Variants in HECW2 observed in about 807,000 individuals in gnomAD.
The protein encoded by HECW2 is E3 ubiquitin-protein ligase HECW2.
A neutral mutation model predicts 175.2 loss-of-function variants in HECW2; 61 were observed. That is an observed-to-expected ratio of 0.35 (90% CI 0.28 to 0.43). The LOEUF (loss-of-function observed/expected upper bound fraction) is 0.43, where lower values mean the gene tolerates loss of function less well. Among genes scored for constraint, HECW2 ranks in the 20% least tolerant of loss-of-function variants. HECW2 has a pLI of 1.00. For synonymous variants in HECW2, 671 were observed against 731.0 expected, an observed-to-expected ratio of 0.92 and a Z score of 1.32; for missense variants, 1,524 against 2,000.5, an observed-to-expected ratio of 0.76 and a Z score of 4.54.
intron 12 of HECW2, 72 bp downstream of exon 12, chr2:196,307,058 C>G: frequency 1.9e-6 from 2 of 1,065,794 alleles, no homozygotes; most frequent in Middle Eastern, 2.0e-4. Context: ...AAAAGCCTTA[C>G]TTGTTGGGAA....
At position 196,412,294 on chromosome 2, in the gene HECW2, G is replaced by T. The variant is rs73988198; in HGVS notation, c.292+20838C>A. On this transcript the variant is annotated intron_variant, in intron 2 of 28. Transcript: ENST00000644978. ...CTCTTTCCTTGGTGTGCAGGTGACC[G>T]TCTTCATGTCACATGCTGCTTCCCC... 4.0e-3 allele frequency among the ~76,000 whole-genome samples: 602 copies of T among 152,260 alleles called. 6 individuals carry two copies. Among genetic ancestry groups the T allele is most frequent in the African/African-American group, 0.014 (565 of 41,544 alleles).
At chr2:196,441,570 C>G (rs1696045304) in intron 1 of HECW2, among the ~76,000 whole-genome samples, 2 of 152,162 alleles carry the variant, frequency 1.3e-5, no homozygotes, top group Admixed American at 1.3e-4. Context: ...CCATCCCCAG[C>G]AAGGCCAATT....
intron 28 of HECW2, among the ~76,000 whole-genome samples, chr2:196,202,034 ACTT>A (rs566522326): frequency 3.3e-5 from 5 of 152,168 alleles, no homozygotes; most frequent in Non-Finnish European, 5.9e-5. Context: ...TTTTAGAAAT[ACTT>A]CTTTTGCCAA....
intron 2 of HECW2, among the ~76,000 whole-genome samples, chr2:196,400,959 G>T (rs1274990949): frequency 6.6e-6 from 1 of 152,108 alleles, no homozygotes; most frequent in Non-Finnish European, 1.5e-5. Context: ...TCATTCAGCA[G>T]ACTTGTAATT....
intron 17 of HECW2, among the ~76,000 whole-genome samples, chr2:196,262,590 G>C (rs1012931592): frequency 6.6e-6 from 1 of 151,024 alleles, no homozygotes; most frequent in African/African-American, 2.4e-5. Context: ...TTTTGAGATG[G>C]AGTCTCACTG....
intron 1 of HECW2, among the ~76,000 whole-genome samples, chr2:196,460,583 G>C (rs1696704093): frequency 6.6e-6 from 1 of 151,568 alleles, no homozygotes; most frequent in African/African-American, 2.4e-5. Flanking sequence ...TCCCAGGGCA[G>C]GGAAAAATCT....
At chr2:196,435,064 T>G (rs1695831806) in intron 1 of HECW2, among the ~76,000 whole-genome samples, 1 of 152,254 alleles carries the variant, frequency 6.6e-6, no homozygotes, top group Non-Finnish European at 1.5e-5. Context: ...AAATAGTTTC[T>G]GCCATAAAGT....
At position 196,473,547 on chromosome 2, in the gene HECW2, T is replaced by A. The variant is rs557299694; in HGVS notation, c.-35-40089A>T. ...CCCTGAAAGTTAAAAATAGAGATTA[T>A]ACAGGAGGACTGGATTTTTTTTAGA... On this transcript the variant is annotated intron_variant, in intron 1 of 28. Transcript: ENST00000644978. Among the ~76,000 whole-genome samples the A allele has an allele frequency of 2.0e-5, 3 of 152,326 alleles. No individual in the cohort carries two copies. In the South Asian group the frequency reaches 6.2e-4, roughly 32 times the overall value.
intron 20 of HECW2, among the ~76,000 whole-genome samples, chr2:196,241,511 G>A (rs1050541236): frequency 2.0e-5 from 3 of 152,204 alleles, no homozygotes; most frequent in African/African-American, 2.4e-5. Flanking sequence ...CAGTGGGGAC[G>A]TGGGACAGGG....
At chr2:196,447,037 A>G (rs189603366) in intron 1 of HECW2, among the ~76,000 whole-genome samples, 1 of 152,344 alleles carries the variant, frequency 6.6e-6, no homozygotes, top group Non-Finnish European at 1.5e-5. Flanking sequence ...ACTCATCTGG[A>G]AGAACCAAAA....
rs559799493 is a variant in HECW2 at position 196,526,634 on chromosome 2, G to A, written c.-36+66874C>T. On this transcript the variant is annotated intron_variant, in intron 1 of 28. Coordinates refer to ENST00000644978, the MANE Select transcript of HECW2 (RefSeq NM_001348768.2). The stretch of plus-strand genomic sequence containing the variant: ...TTATCTACTTTTGGTCTTTGATGAT[G>A]GTGATAAACAGATGGGTTTTCGGTG... Among the ~76,000 whole-genome samples, 4 of 134,244 alleles carry A rather than the reference G, an allele frequency of 3.0e-5. No individual in the cohort carries two copies. The East Asian group carries it at 7.8e-4, about 26-fold the overall frequency. 88.1% of individuals were successfully genotyped at this position (134,244 alleles called of 152,430 possible).
chr2:196,318,462 C>T lies in HECW2; in HGVS notation c.2338+90G>A, dbSNP rs183427894. 1.1e-3 allele frequency: 1,499 copies of T among 1,341,304 alleles called. 1 individual carries two copies. Among genetic ancestry groups the T allele is most frequent in the Middle Eastern group, 3.1e-3 (14 of 4,494 alleles). 83.1% of individuals were successfully genotyped at this position (1,341,304 alleles called of 1,614,324 possible). On this transcript the variant is annotated intron_variant, in intron 9 of 28. Coordinates refer to ENST00000644978, the MANE Select transcript of HECW2 (RefSeq NM_001348768.2). ...AGGAATTCAGGTCATATGTAACCTG[C>T]AGCCTTATTTACATTGAGGGGAAAA...
intron 17 of HECW2, among the ~76,000 whole-genome samples, chr2:196,262,016 A>C (rs1558992338): frequency 2.4e-4 from 1 of 4,230 alleles, no homozygotes; most frequent in African/African-American, 2.6e-4. Context: ...TATTTATTCA[A>C]GTTTATAATG....
rs561161781 is a variant in HECW2 at position 196,233,344 on chromosome 2, T to A, written c.3765-5090A>T. On this transcript the variant is annotated intron_variant, in intron 21 of 28. Transcript: ENST00000644978. ...ATAGAGCATTTTAAATATCATCACA[T>A]GGCTGGGTTGGCACTCCACCCAAGT... is the stretch of plus-strand genomic sequence containing the variant. Among the ~76,000 whole-genome samples the A allele has an allele frequency of 5.9e-5, 9 of 152,314 alleles. No homozygotes were observed. The East Asian group carries it at 1.7e-3, about 29-fold the overall frequency.
intron 21 of HECW2, among the ~76,000 whole-genome samples, chr2:196,229,788 C>T (rs764528789): frequency 6.6e-5 from 10 of 152,082 alleles, no homozygotes; most frequent in Admixed American, 2.0e-4. Context: ...ATATATGTAC[C>T]ATTATTAATA....
rs1385586342 is a variant in HECW2 at position 196,389,307 on chromosome 2, G to A, written c.292+43825C>T. On this transcript the variant is annotated intron_variant, in intron 2 of 28. Coordinates refer to ENST00000644978, the MANE Select transcript of HECW2 (RefSeq NM_001348768.2). ...ATGTGTTACCAAGAAGACCTACAGA[G>A]AGTTATTTCCTTAGTGCAGCATTTT... 4.6e-5 allele frequency among the ~76,000 whole-genome samples: 7 copies of A among 152,292 alleles called. No individual in the cohort carries two copies. The East Asian group carries it at 7.7e-4, about 17-fold the overall frequency.
intron 1 of HECW2, among the ~76,000 whole-genome samples, chr2:196,494,199 A>G (rs990025231): frequency 6.6e-6 from 1 of 152,156 alleles, no homozygotes; most frequent in African/African-American, 2.4e-5. Flanking sequence ...TAGCAGTGGG[A>G]GCTGAAGCTG....
intron 1 of HECW2, among the ~76,000 whole-genome samples, chr2:196,563,740 TAC>T (rs1354233746): frequency 6.6e-6 from 1 of 152,160 alleles, no homozygotes; most frequent in Non-Finnish European, 1.5e-5. Flanking sequence ...TTAAATATAA[TAC>T]ATTTAACTTA....
intron 20 of HECW2, among the ~76,000 whole-genome samples, chr2:196,240,860 AACACCACAC>A (rs1394054917): frequency 1.3e-5 from 2 of 152,090 alleles, no homozygotes; most frequent in South Asian, 2.1e-4. Context: ...ATCATAAAAC[AACACCACAC>A]ACACCACACA....
Sources: gnomAD v4.1 joint callset for allele counts (sites outside exome capture counted in the v4.1 genomes callset) on GRCh38, gnomAD v4.1.1 for gene constraint, MANE v1.5 for transcripts, NCBI Gene and HGNC (gene_info 2026-07-23, HGNC 2026-07-21) for gene names.